MISP: variants seen among roughly 807,000 people sequenced by gnomAD.
The protein encoded by MISP is mitotic interactor and substrate of PLK1.
MISP carries 51 observed loss-of-function variants against 49.3 expected under a neutral mutation model. That is an observed-to-expected ratio of 1.03 (90% confidence interval 0.83 to 1.31). The LOEUF is 1.31. MISP is among the 50% of genes most tolerant of loss of function. The pLI, the probability that MISP is intolerant of heterozygous loss-of-function variation, is 0.00. For synonymous variants in MISP, 444 were observed against 392.6 expected, an observed-to-expected ratio of 1.13 and a Z score of -1.55; for missense variants, 1,084 against 935.1, an observed-to-expected ratio of 1.16 and a Z score of -2.08.
Position 755,645 on chromosome 19 carries a change from G to GCTGAGGC in MISP, c.-57-1243_-57-1237dup, listed in dbSNP as rs1228235559. Among the ~76,000 whole-genome samples the GCTGAGGC allele has an allele frequency of 5.9e-5, 9 of 152,248 alleles. No individual in the cohort carries two copies. In the East Asian group the frequency reaches 1.4e-3, roughly 23 times the overall value. On this transcript the variant is annotated intron_variant, in intron 1 of 4. Transcript: ENST00000215582. Reference sequence around the variant, plus strand: ...GCCAAGGAAGGCTTCAGAGATCAAGGCTGAGGCCAGGCGCGGTGGCTCACG... The same window carrying GCTGAGGC: ...GCCAAGGAAGGCTTCAGAGATCAAGGCTGAGGCCTGAGGCCAGGCGCGGTGGCTCACG...
Position 757,455 on chromosome 19 carries a change from C to G in MISP, c.509C>G (p.Pro170Arg), listed in dbSNP as rs747842095. The G allele has an allele frequency of 6.3e-7, 1 of 1,592,734 alleles. No individual in the cohort carries two copies. The highest frequency in any genetic ancestry group is 8.5e-7 in the Non-Finnish European group (1 of 1,170,514). The stretch of plus-strand genomic sequence containing the variant: ...CAGGGCACTCCTGACCACGGAGACC[C>G]CAGGACCCCCGGCCCACCTCGGTCC... Reference protein sequence around the residue: ...TLQGTPDHGDPRTPGPPRSTP... With the variant: ...TLQGTPDHGDRRTPGPPRSTP... Residue 170 changes from proline to arginine, a missense_variant, in exon 2 of 5, where the codon CCC becomes CGC. Physicochemically the swap from Pro to Arg is moderately radical, Grantham distance 103. Coordinates refer to ENST00000215582, the MANE Select transcript of MISP (RefSeq NM_173481.4).
At chr19:755,176 T>C (rs1027265045) in intron 1 of MISP, among the ~76,000 whole-genome samples, 1 of 152,124 alleles carries the variant, frequency 6.6e-6, no homozygotes, top group African/African-American at 2.4e-5. Flanking sequence ...ACAGAAGCGA[T>C]GCGAGCAGGT....
upstream of MISP, among the ~76,000 whole-genome samples, chr19:748,566 CG>C (rs2033411555): frequency 1.3e-5 from 2 of 152,176 alleles, no homozygotes; most frequent in Admixed American, 6.5e-5. Context: ...ACTGGCTTCC[CG>C]GGGGGCCCTC....
chr19:763,650 C>T lies in MISP; in HGVS notation c.*60C>T, dbSNP rs1454238342. The T allele has an allele frequency of 3.9e-6, 5 of 1,267,944 alleles. No individual in the cohort carries two copies. The highest frequency in any genetic ancestry group is 5.7e-6 in the Non-Finnish European group (5 of 883,170). The allele number at this position is 1,267,944 out of a possible 1,614,324, so 78.5% of individuals were successfully genotyped here. A position where few individuals can be genotyped will look rare whatever the true frequency, so the allele number is the denominator to read the frequency against. ...CTGACCCTCGTGGGAACTGCCAAGA[C>T]CATCGCCAAGCCCCCACCCTAGGAA... On this transcript the variant is annotated 3_prime_UTR_variant, in exon 5 of 5. Coordinates refer to ENST00000215582, the MANE Select transcript of MISP (RefSeq NM_173481.4).
intron 4 of MISP, among the ~76,000 whole-genome samples, chr19:761,886 C>T (rs766533008): frequency 2.6e-5 from 4 of 152,252 alleles, no homozygotes; most frequent in Admixed American, 6.5e-5. Flanking sequence ...CTCTCCACCA[C>T]GTGGTGAAGG....
At chr19:756,696 CACTT>C (rs1348237333) in intron 1 of MISP, among the ~76,000 whole-genome samples, 190 bp from the exon 2 acceptor site, 27 of 149,052 alleles carry the variant, frequency 1.8e-4, no homozygotes, top group Non-Finnish European at 2.8e-4. Context: ...GCTGGACTGT[CACTT>C]ACGCACCCCT....
In MISP at chr19:758,710, C is replaced by T. The variant is rs1480525433; in HGVS notation, c.1764C>T (p.Ser588=). Residue 588 remains serine (S), a synonymous_variant, in exon 2 of 5, where the codon AGC becomes AGT. Coordinates refer to ENST00000215582, the MANE Select transcript of MISP (RefSeq NM_173481.4). ...PDENSDQNSR[S]SSQASGITGS... ...AGAACTCTGACCAGAACTCCAGGAGCTCCTCCCAGGCATCCGGTGAGAAGG... is the reference window on the plus strand; with the variant it reads ...AGAACTCTGACCAGAACTCCAGGAGTTCCTCCCAGGCATCCGGTGAGAAGG... 1.2e-6 allele frequency: 2 copies of T among 1,613,104 alleles called. No individual in the cohort carries two copies. The highest frequency in any genetic ancestry group is 1.3e-5 in the African/African-American group (1 of 75,040).
intron 1 of MISP, among the ~76,000 whole-genome samples, chr19:752,582 C>T (rs2047169697): frequency 6.6e-6 from 1 of 151,884 alleles, no homozygotes; most frequent in South Asian, 2.1e-4. Flanking sequence ...GGGAGGGGGC[C>T]CAGTGGCCTT....
At chr19:748,587 G>A (rs922066592), upstream of MISP, among the ~76,000 whole-genome samples, 1 of 152,126 alleles carries the variant, frequency 6.6e-6, no homozygotes, top group African/African-American at 2.4e-5. Context: ...CGGGTTCTGC[G>A]GCCGCCCCGT....
At position 757,199 on chromosome 19, in the gene MISP, G is replaced by A. The variant is rs772162183; in HGVS notation, c.253G>A (p.Glu85Lys). 10 of 1,613,498 alleles carry A rather than the reference G, an allele frequency of 6.2e-6. No individual in the cohort carries two copies. The highest frequency in any genetic ancestry group is 3.3e-5 in the South Asian group (3 of 91,094). The change falls in exon 2 of 5, where the codon GAG (glutamate) becomes AAG (lysine). Residue 85 changes from glutamate (E) to lysine (K), a missense_variant. Glu to Lys is a moderately conservative substitution (Grantham distance 56, BLOSUM62 1). Coordinates refer to ENST00000215582, the MANE Select transcript of MISP (RefSeq NM_173481.4). Reference sequence around the variant, plus strand: ...GCCGTCCCCACGGGGGCTCCACTCGGAGAACAGGGAGGATGAGGGTTGGCA... The same window carrying A: ...GCCGTCCCCACGGGGGCTCCACTCGAAGAACAGGGAGGATGAGGGTTGGCA... ...GQPSPRGLHS[E>K]NREDEGWQVY...
In MISP at chr19:757,374, G is replaced by A. The variant is rs780954431; in HGVS notation, c.428G>A (p.Arg143His). Reference sequence around the variant, plus strand: ...AGGCTGTGTGACCTGGAGCGGGAGCGCTGGGCCGTCATCCAGGGCCAGGCA... The same window carrying A: ...AGGCTGTGTGACCTGGAGCGGGAGCACTGGGCCGTCATCCAGGGCCAGGCA... ...PRRLCDLERE[R>H]WAVIQGQAVR... Residue 143 changes from arginine (R) to histidine (H), a missense_variant, in exon 2 of 5, where the codon CGC becomes CAC. Physicochemically the swap from Arg to His is conservative, Grantham distance 29 (BLOSUM62 0). Coordinates refer to ENST00000215582, the MANE Select transcript of MISP (RefSeq NM_173481.4). 72 of 1,611,838 alleles carry A rather than the reference G, an allele frequency of 4.5e-5. No individual in the cohort carries two copies. The highest frequency in any genetic ancestry group is 4.3e-4 in the South Asian group (39 of 90,802).
intron 2 of MISP, among the ~76,000 whole-genome samples, chr19:759,689 C>T (rs935405375): frequency 2.0e-5 from 3 of 152,206 alleles, no homozygotes; most frequent in Non-Finnish European, 2.9e-5. Flanking sequence ...CGTGAGCCAC[C>T]GCGCCCGGCC....
At chr19:750,583 C>T (rs12459842), upstream of MISP, among the ~76,000 whole-genome samples, 26,816 of 152,028 alleles carry the variant, frequency 0.18, 2,753 homozygotes, top group African/African-American at 0.25. Context: ...TGTTCCCCCA[C>T]GTCCCGGAGG....
rs546595573 is a variant in MISP at position 758,248 on chromosome 19, C to G, written c.1302C>G (p.Pro434=). Residue 434 remains proline, a synonymous_variant, in exon 2 of 5, where the codon CCC becomes CCG. Transcript: ENST00000215582. ...AYQPYLSPGT[P]QLEFSAFGAF... is the part of the protein sequence containing the mutation. ...AGCCGTACCTGAGCCCCGGGACCCCCCAGCTAGAATTCTCAGCCTTCGGAG... is the reference window on the plus strand; with the variant it reads ...AGCCGTACCTGAGCCCCGGGACCCCGCAGCTAGAATTCTCAGCCTTCGGAG... The G allele has an allele frequency of 1.2e-6, 2 of 1,613,646 alleles. No individual in the cohort carries two copies. Among genetic ancestry groups the G allele is most frequent in the East Asian group, 4.5e-5 (2 of 44,874 alleles).
At chr19:748,860 C>G (rs879457759), upstream of MISP, among the ~76,000 whole-genome samples, 1 of 152,204 alleles carries the variant, frequency 6.6e-6, no homozygotes, top group Non-Finnish European at 1.5e-5. Context: ...CCTTCGTGGC[C>G]GGGCACGGTG....
Position 758,681 on chromosome 19 carries a change from G to A in MISP, c.1735G>A (p.Asp579Asn), listed in dbSNP as rs375858306. 152 of 1,614,102 alleles carry A rather than the reference G, an allele frequency of 9.4e-5. 1 individual carries two copies. The South Asian group carries it at 1.2e-3, about 12-fold the overall frequency. ...LFPEVFSPTP[D>N]ENSDQNSRSS... ...CCCAGAGGTCTTCTCCCCAACGCCA[G>A]ATGAGAACTCTGACCAGAACTCCAG... is the stretch of plus-strand genomic sequence containing the variant. The change falls in exon 2 of 5, where the codon GAT (aspartate) becomes AAT (asparagine). Residue 579 changes from aspartate to asparagine, a missense_variant. Coordinates refer to ENST00000215582, the MANE Select transcript of MISP (RefSeq NM_173481.4).
intron 2 of MISP, among the ~76,000 whole-genome samples, chr19:759,016 T>A (rs1023240120): frequency 1.3e-5 from 2 of 152,168 alleles, no homozygotes; most frequent in African/African-American, 2.4e-5. Context: ...TTTGTTTTTG[T>A]TTTTTGTTTT....
rs1402947240 is a variant in MISP at position 760,013 on chromosome 19, C to G, written c.1885C>G (p.Pro629Ala). 1 of 1,613,862 alleles carries G rather than the reference C, an allele frequency of 6.2e-7. No individual in the cohort carries two copies. The highest frequency in any genetic ancestry group is 8.5e-7 in the Non-Finnish European group (1 of 1,179,926). Residue 629 changes from proline to alanine, a missense_variant, in exon 3 of 5, where the codon CCC becomes GCC. Physicochemically the swap from Pro to Ala is conservative, Grantham distance 27. Coordinates refer to ENST00000215582, the MANE Select transcript of MISP (RefSeq NM_173481.4). ...GGAAGATCCAGTGGACAGTGCTCCT[C>G]CCGGGCAGAGAAAGAAGGAGCAATG... ...TVEDPVDSAP[P>A]GQRKKEQWYA...
At position 757,867 on chromosome 19, in the gene MISP, G is replaced by A. The variant is rs769426524; in HGVS notation, c.921G>A (p.Leu307=). The A allele has an allele frequency of 9.3e-6, 15 of 1,609,974 alleles. No homozygotes were observed. The highest frequency in any genetic ancestry group is 6.7e-5 in the Admixed American group (4 of 59,962). The stretch of plus-strand genomic sequence containing the variant: ...TGGCTCAGGAGCGTGAGGCAGACCT[G>A]CGAGAGCAGAGGGGGCTTCGGCAGG... ...IRLAQEREAD[L]REQRGLRQAT... Residue 307 remains leucine, a synonymous_variant, in exon 2 of 5, where the codon CTG becomes CTA. Transcript: ENST00000215582.
Sources: gnomAD v4.1 joint callset for allele counts (sites outside exome capture counted in the v4.1 genomes callset) on GRCh38, gnomAD v4.1.1 for gene constraint, MANE v1.5 for transcripts, NCBI Gene and HGNC (gene_info 2026-07-23, HGNC 2026-07-21) for gene names.